The following SETBP1 variants were observed in gnomAD, a reference collection of about 807,000 sequenced individuals.
SETBP1 encodes SET-binding protein.
In SETBP1, 9 loss-of-function variants were observed where a neutral mutation model predicts 101.0. That is an observed-to-expected ratio of 0.09 (90% CI 0.05 to 0.16). The LOEUF (loss-of-function observed/expected upper bound fraction) is 0.16, where lower values mean the gene tolerates loss of function less well. Among genes scored for constraint, SETBP1 ranks in the 10% least tolerant of loss-of-function variants. SETBP1 has a pLI of 1.00. For synonymous variants in SETBP1, 818 were observed against 788.5 expected, an observed-to-expected ratio of 1.04 and a Z score of -0.63; for missense variants, 1,858 against 2,033.8, an observed-to-expected ratio of 0.91 and a Z score of 1.66.
chr18:45,016,675 A>C (rs780428080), intron 4 of SETBP1, among the ~76,000 whole-genome samples: 13 of 151,766 alleles, frequency 8.6e-5, no homozygotes, highest in Non-Finnish European at 1.6e-4. Context: ...GTGCTACTGA[A>C]GTGTTCCAGG....
At chr18:45,045,885 G>C (rs1320441895) in intron 5 of SETBP1, among the ~76,000 whole-genome samples, 1 of 151,988 alleles carries the variant, frequency 6.6e-6, no homozygotes, top group Non-Finnish European at 1.5e-5. Flanking sequence ...TTCTTCCCTG[G>C]AACTTTTTTA....
chr18:44,931,511 G>A (rs1403782996), intron 3 of SETBP1, among the ~76,000 whole-genome samples: 8 of 152,098 alleles, frequency 5.3e-5, no homozygotes, highest in East Asian at 1.9e-4. Context: ...TTTTTGTCTC[G>A]TTGATCTGTC....
chr18:45,019,954 A>T (rs2073023129), intron 4 of SETBP1, among the ~76,000 whole-genome samples: 1 of 152,104 alleles, frequency 6.6e-6, no homozygotes, highest in Non-Finnish European at 1.5e-5. Context: ...CTTGGGTTCA[A>T]ATTCCTTGTA....
At chr18:44,693,172 G>C (rs767063437) in intron 1 of SETBP1, among the ~76,000 whole-genome samples, 2 of 152,182 alleles carry the variant, frequency 1.3e-5, no homozygotes, top group Non-Finnish European at 2.9e-5. Context: ...AGGAATTCCG[G>C]AAAGATTACT....
rs1024209496 is a variant in SETBP1 at position 44,782,012 on chromosome 18, C to G, written c.486+80180C>G. On this transcript the variant is annotated intron_variant, in intron 2 of 5. Coordinates refer to ENST00000649279, the MANE Select transcript of SETBP1 (RefSeq NM_015559.3). ...CTTTGCTAGAAGGATGTCAGAAAAC[C>G]AAGCCTACTTATCTTGGGTATTGCA... Among the ~76,000 whole-genome samples the G allele has an allele frequency of 3.3e-5, 5 of 152,172 alleles. No homozygotes were observed. In the South Asian group the frequency reaches 1.0e-3, roughly 32 times the overall value.
At chr18:44,752,732 G>A (rs771468584) in intron 2 of SETBP1, among the ~76,000 whole-genome samples, 1 of 152,164 alleles carries the variant, frequency 6.6e-6, no homozygotes, top group Non-Finnish European at 1.5e-5. Flanking sequence ...TAGGAAATAA[G>A]ATGGAGAAGT....
At chr18:44,758,305 C>T (rs948942488) in intron 2 of SETBP1, among the ~76,000 whole-genome samples, 3 of 152,166 alleles carry the variant, frequency 2.0e-5, no homozygotes, top group African/African-American at 7.2e-5. Flanking sequence ...TTGGCACTTT[C>T]CTTGGAGCAA....
At chr18:44,875,194 A>G (rs754425301) in intron 3 of SETBP1, among the ~76,000 whole-genome samples, 61 of 152,174 alleles carry the variant, frequency 4.0e-4, no homozygotes, top group Non-Finnish European at 7.1e-4. Context: ...AATGGACATC[A>G]GCTGTCTACA....
intron 3 of SETBP1, among the ~76,000 whole-genome samples, chr18:44,928,656 T>G (rs1490373003): frequency 6.6e-6 from 1 of 152,242 alleles, no homozygotes; most frequent in Non-Finnish European, 1.5e-5. Flanking sequence ...ATTGTGGTTT[T>G]GATTTGCATT....
intron 2 of SETBP1, among the ~76,000 whole-genome samples, chr18:44,768,534 A>G (rs1183300136): frequency 6.6e-6 from 1 of 152,220 alleles, no homozygotes; most frequent in African/African-American, 2.4e-5. Context: ...TGGTTACAAT[A>G]CAAGTTGTTC....
At chr18:45,006,140 G>A (rs1304298398) in intron 4 of SETBP1, among the ~76,000 whole-genome samples, 3 of 151,420 alleles carry the variant, frequency 2.0e-5, no homozygotes, top group Non-Finnish European at 2.9e-5. Flanking sequence ...TTTTAGTAGA[G>A]ACAGGGTTTC....
At chr18:45,052,126 T>C (rs2073732695) in intron 5 of SETBP1, among the ~76,000 whole-genome samples, 1 of 152,250 alleles carries the variant, frequency 6.6e-6, no homozygotes, top group Admixed American at 6.5e-5. Context: ...CCTGAATCAA[T>C]GTTTATTCCA....
chr18:44,943,909 A>T (rs2071143720), intron 3 of SETBP1, among the ~76,000 whole-genome samples: 1 of 149,654 alleles, frequency 6.7e-6, no homozygotes, highest in Non-Finnish European at 1.5e-5. Flanking sequence ...ATCTCAGCTC[A>T]TGGCAACCTC....
At chr18:44,788,127 A>T (rs2071284897) in intron 2 of SETBP1, among the ~76,000 whole-genome samples, 1 of 151,910 alleles carries the variant, frequency 6.6e-6, no homozygotes, top group Non-Finnish European at 1.5e-5. Flanking sequence ...AAAGAAGTTC[A>T]TCCTCAGAGT....
intron 1 of SETBP1, among the ~76,000 whole-genome samples, chr18:44,682,787 C>T (rs997045835): frequency 2.6e-5 from 4 of 152,078 alleles, no homozygotes; most frequent in African/African-American, 9.7e-5. Context: ...ATTTCTCCTC[C>T]CCCGTTAAGG....
chr18:44,688,674 C>T (rs112188923), intron 1 of SETBP1, among the ~76,000 whole-genome samples: 6 of 151,986 alleles, frequency 3.9e-5, no homozygotes, highest in African/African-American at 1.4e-4. Context: ...GGCTGCGTCT[C>T]GAACTCCTGA....
intron 5 of SETBP1, among the ~76,000 whole-genome samples, chr18:45,040,375 A>T (rs748785141): frequency 6.6e-5 from 10 of 152,194 alleles, no homozygotes; most frequent in Non-Finnish European, 1.5e-4. Context: ...AGTTGGGCAG[A>T]GTCTTGGAAG....
chr18:44,866,653 G>T (rs9947009), intron 2 of SETBP1, among the ~76,000 whole-genome samples: 7,410 of 152,278 alleles, frequency 0.049, 604 homozygotes, highest in African/African-American at 0.17. Context: ...GAGAATTTGA[G>T]CACTGGTTCC....
chr18:44,918,745 T>A (rs1296540334), intron 3 of SETBP1, among the ~76,000 whole-genome samples: 1 of 152,234 alleles, frequency 6.6e-6, no homozygotes, highest in Non-Finnish European at 1.5e-5. Flanking sequence ...CATAAAAACA[T>A]TTGACTATAT....
Sources: gnomAD v4.1 joint callset for allele counts (sites outside exome capture counted in the v4.1 genomes callset) on GRCh38, gnomAD v4.1.1 for gene constraint, MANE v1.5 for transcripts, NCBI Gene and HGNC (gene_info 2026-07-23, HGNC 2026-07-21) for gene names.